The following CYP4F22 variants were observed in gnomAD, a reference collection of about 807,000 sequenced individuals.
The protein encoded by CYP4F22 is ultra-long-chain fatty acid omega-hydroxylase.
A neutral mutation model predicts 60.4 loss-of-function variants in CYP4F22; 37 were observed. The ratio of observed to expected loss-of-function variants is 0.61; its 90% CI spans 0.47 to 0.81. The LOEUF (loss-of-function observed/expected upper bound fraction) is 0.81, where lower values mean the gene tolerates loss of function less well. Among genes scored for constraint, CYP4F22 ranks in the 30% least tolerant of loss-of-function variants. The pLI is 0.00. For synonymous variants in CYP4F22, 258 were observed against 280.5 expected (o/e 0.92, Z 0.80); for missense variants, 655 against 715.0 (o/e 0.92, Z 0.96).
chr19:15,535,736 A>G (rs1041152159), intron 4 of CYP4F22, among the ~76,000 whole-genome samples: 1 of 152,076 alleles, frequency 6.6e-6, no homozygotes, highest in Admixed American at 6.6e-5. Flanking sequence ...TTATCCATCC[A>G]TGTACTCATC....
At chr19:15,546,034 G>A (rs565877934) in intron 10 of CYP4F22, among the ~76,000 whole-genome samples, 1 of 152,252 alleles carries the variant, frequency 6.6e-6, no homozygotes, top group South Asian at 2.1e-4. Flanking sequence ...GAGTGCAGTG[G>A]CATAATCATA....
At chr19:15,522,090 A>T (rs1971232933) in intron 1 of CYP4F22, among the ~76,000 whole-genome samples, 1 of 148,134 alleles carries the variant, frequency 6.8e-6, no homozygotes, top group Non-Finnish European at 1.5e-5. Context: ...GGTTGCAGTG[A>T]GCTGAGACTG....
intron 1 of CYP4F22, among the ~76,000 whole-genome samples, chr19:15,510,796 A>C (rs1012684290): frequency 2.7e-5 from 4 of 150,696 alleles, no homozygotes; most frequent in African/African-American, 9.8e-5. Context: ...AGAACCTTAG[A>C]AATTTAGAGT....
chr19:15,509,076 C>T (rs1971053580), intron 1 of CYP4F22, among the ~76,000 whole-genome samples: 3 of 152,150 alleles, frequency 2.0e-5, no homozygotes, highest in Admixed American at 2.0e-4. Flanking sequence ...GGTTCAACTG[C>T]TATCAGGAAC....
chr19:15,532,196 C>T (rs1417384738), intron 4 of CYP4F22, among the ~76,000 whole-genome samples: 1 of 151,684 alleles, frequency 6.6e-6, no homozygotes, highest in Non-Finnish European at 1.5e-5. Flanking sequence ...TCTTTTCCTC[C>T]TTTCCTTTCT....
intron 4 of CYP4F22, among the ~76,000 whole-genome samples, chr19:15,531,881 G>A (rs1332012992): frequency 3.9e-5 from 6 of 152,090 alleles, no homozygotes; most frequent in Admixed American, 6.6e-5. Context: ...ACGGCAGGAG[G>A]ATCACTTGAG....
chr19:15,515,309 G>C, intron 1 of CYP4F22: 1 of 1,150,710 alleles, frequency 8.7e-7, no homozygotes, highest in South Asian at 1.2e-5. Flanking sequence ...TATATGTTGG[G>C]ATTTTATAAT....
chr19:15,512,160 G>GCTCAACTACATGGAAACTGAACAACCTGC (rs1971099904), intron 1 of CYP4F22, among the ~76,000 whole-genome samples: 1 of 152,044 alleles, frequency 6.6e-6, no homozygotes, highest in Non-Finnish European at 1.5e-5. Flanking sequence ...TCACTGAGCC[G>GCTCAACTACATGGAAACTGAACAACCTGC]TCCCAAAAAC....
intron 12 of CYP4F22, among the ~76,000 whole-genome samples, chr19:15,549,447 G>A (rs987059190): frequency 2.0e-5 from 3 of 152,154 alleles, no homozygotes; most frequent in Non-Finnish European, 4.4e-5. Flanking sequence ...TGCCTTTACA[G>A]GGCTCACAGT....
At chr19:15,550,617 C>T (rs1022552561) in intron 12 of CYP4F22, 57 bp from the exon 13 acceptor site, 35 of 1,576,378 alleles carry the variant, frequency 2.2e-5, no homozygotes, top group Non-Finnish European at 3.0e-5. Context: ...GGGAAGGGGG[C>T]CAGGCTGGGA....
intron 1 of CYP4F22, among the ~76,000 whole-genome samples, chr19:15,520,023 G>A (rs527376995): frequency 9.9e-5 from 15 of 152,250 alleles, no homozygotes; most frequent in Admixed American, 6.5e-4. Flanking sequence ...GTGTGTGTGC[G>A]CGTGCACAAG....
At position 15,532,389 on chromosome 19, in the gene CYP4F22, T is replaced by G. The variant is rs920935347; in HGVS notation, c.367+2536T>G. 3.3e-5 allele frequency among the ~76,000 whole-genome samples: 5 copies of G among 150,540 alleles called. No homozygotes were observed. The Admixed American group carries it at 3.3e-4, about 10-fold the overall frequency. ...CACCTTCTTCTTTTTCTTCCTCTTC[T>G]TTTTAGACAGAGTCTCACTCTGTCA... On this transcript the variant is annotated intron_variant, in intron 4 of 13. Transcript: ENST00000269703.
At chr19:15,529,138 T>TTA (rs1013518846) in intron 3 of CYP4F22, among the ~76,000 whole-genome samples, 7 of 95,074 alleles carry the variant, frequency 7.4e-5, no homozygotes, top group East Asian at 2.4e-4. Flanking sequence ...ATTTTATTTT[T>TTA]TTTTTTTGAG....
chr19:15,530,414 C>T lies in CYP4F22; in HGVS notation c.367+561C>T, dbSNP rs138031674. ...CCTCCAGGAATCTTTCCCTGGCTTC[C>T]CAGACAGACCTATTCTCAGTCCTAA... On this transcript the variant is annotated intron_variant, in intron 4 of 13. Transcript: ENST00000269703. Among the ~76,000 whole-genome samples, 578 of 152,266 alleles carry T rather than the reference C, an allele frequency of 3.8e-3. 6 individuals carry two copies. The highest frequency in any genetic ancestry group is 0.014 in the African/African-American group (564 of 41,562).
rs1330492741 is a variant in CYP4F22, at chr19:15,537,434, G to A, written c.421+20G>A. On this transcript the variant is annotated intron_variant, in intron 5 of 13. Transcript: ENST00000269703. Reference sequence around the variant, plus strand: ...GGCTAGGTGAGTGCCCAGTGGGTAGGCTGGGGCTGGGGCTTTAGAGAAGAG... The same window carrying A: ...GGCTAGGTGAGTGCCCAGTGGGTAGACTGGGGCTGGGGCTTTAGAGAAGAG... The A allele has an allele frequency of 6.2e-7, 1 of 1,614,190 alleles. No homozygotes were observed. The highest frequency in any genetic ancestry group is 8.5e-7 in the Non-Finnish European group (1 of 1,180,038).
chr19:15,547,998 AGAGAGTGTGTGT>A lies in CYP4F22; in HGVS notation c.1137-108_1137-97del, dbSNP rs1568364006. 7.8e-3 allele frequency: 2,471 copies of A among 315,630 alleles called. 119 individuals are homozygous for A. Among genetic ancestry groups the A allele is most frequent in the African/African-American group, 0.023 (470 of 20,698 alleles). 19.6% of individuals were successfully genotyped at this position (315,630 alleles called of 1,614,324 possible). The stretch of plus-strand genomic sequence containing the variant: ...GAGAGAGAGAGAGAGAGAGAGAGGG[AGAGAGTGTGTGT>A]GTGTGTGTGTGTGTGTGTGTGTGTG... On this transcript the variant is annotated intron_variant, in intron 10 of 13. Coordinates refer to ENST00000269703, the MANE Select transcript of CYP4F22 (RefSeq NM_173483.4).
chr19:15,540,567 G>A lies in CYP4F22; in HGVS notation c.789G>A (p.Arg263=). Residue 263 remains arginine, a synonymous_variant, in exon 8 of 14, where the codon AGG becomes AGA. Transcript: ENST00000269703. ...ACTACCGCTCGGCGGATGGGCGGAG[G>A]TTCCGGCAGGCCTGTGACATGGTGC... The part of the protein sequence containing the change: ...FIYYRSADGR[R]FRQACDMVHH... 1 of 1,614,246 alleles carries A rather than the reference G, an allele frequency of 6.2e-7. No homozygotes were observed. Among genetic ancestry groups the A allele is most frequent in the Non-Finnish European group, 8.5e-7 (1 of 1,180,046 alleles).
At chr19:15,540,401 C>G in intron 7 of CYP4F22, 49 bp from the exon 8 acceptor site, 1 of 1,613,142 alleles carries the variant, frequency 6.2e-7, no homozygotes, top group African/African-American at 1.3e-5. Flanking sequence ...CAGGGCTGTG[C>G]TATGCTAGGG....
At chr19:15,551,247 G>A (rs765389554) in intron 13 of CYP4F22, 47 bp from the exon 14 acceptor site, 27 of 1,589,818 alleles carry the variant, frequency 1.7e-5, no homozygotes, top group Non-Finnish European at 2.1e-5. Flanking sequence ...CCGGGGACCA[G>A]TGCTCACACA....
Sources: gnomAD v4.1 joint callset for allele counts (sites outside exome capture counted in the v4.1 genomes callset) on GRCh38, gnomAD v4.1.1 for gene constraint, MANE v1.5 for transcripts, NCBI Gene and HGNC (gene_info 2026-07-23, HGNC 2026-07-21) for gene names.